PCBP2: variants seen among roughly 807,000 people sequenced by gnomAD.
The protein encoded by PCBP2 is poly(rC)-binding protein 2.
In PCBP2, 4 loss-of-function variants were observed where a neutral mutation model predicts 50.1. The observed-to-expected ratio is 0.08, with a 90% CI of 0.04 to 0.18. The LOEUF is 0.18. PCBP2 is among the 10% of genes least tolerant of loss of function. PCBP2 has a pLI of 1.00. For synonymous variants in PCBP2, 179 were observed against 168.0 expected, an observed-to-expected ratio of 1.07 and a Z score of -0.51; for missense variants, 161 against 474.3, an observed-to-expected ratio of 0.34 and a Z score of 6.14.
At chr12:53,456,697 G>A (rs1482441953) in intron 5 of PCBP2, among the ~76,000 whole-genome samples, 1 of 152,120 alleles carries the variant, frequency 6.6e-6, no homozygotes, top group Non-Finnish European at 1.5e-5. Flanking sequence ...ACATTTGTTG[G>A]GGAGAGACCT....
intron 5 of PCBP2, among the ~76,000 whole-genome samples, chr12:53,457,685 A>G (rs1417355438): frequency 6.6e-6 from 1 of 152,054 alleles, no homozygotes; most frequent in African/African-American, 2.4e-5. Context: ...AGAAAGCTAG[A>G]GTACAAACTG....
intron 7 of PCBP2, 146 bp from the exon 8 acceptor site, chr12:53,462,347 A>G (rs556692876): frequency 2.0e-4 from 112 of 553,058 alleles, no homozygotes; most frequent in African/African-American, 1.9e-3. Context: ...ATAAATTGAG[A>G]TTAGATCTAG....
intron 8 of PCBP2, 88 bp from the exon 9 acceptor site, chr12:53,464,672 T>G: frequency 1.3e-6 from 2 of 1,527,588 alleles, no homozygotes; most frequent in Non-Finnish European, 1.8e-6. Context: ...AGGAAAAAAA[T>G]AAACAACTTT....
intron 14 of PCBP2, among the ~76,000 whole-genome samples, chr12:53,478,275 A>T (rs2137140955): frequency 6.6e-6 from 1 of 152,320 alleles, no homozygotes. Flanking sequence ...TGGGAGGCCA[A>T]GACAAGTGGA....
Position 53,479,510 on chromosome 12 carries a change from T to A in PCBP2, c.*68T>A. ...CCACCCATGATCCATCTGTGTAGTT[T>A]CTGAACAGTCAGCGATTCCAGGTTT... On this transcript the variant is annotated 3_prime_UTR_variant, in exon 15 of 15. Transcript: ENST00000546463. 7.2e-7 allele frequency: 1 copy of A among 1,384,146 alleles called. No homozygotes were observed. The allele number at this position is 1,384,146 out of a possible 1,614,324, so 85.7% of individuals were successfully genotyped here.
In PCBP2 at chr12:53,467,863, AAATC is replaced by A. The variant is rs1462147821; in HGVS notation, c.826+21_826+24del. The A allele has an allele frequency of 3.8e-6, 6 of 1,579,064 alleles. No homozygotes were observed. Among genetic ancestry groups the A allele is most frequent in the African/African-American group, 1.3e-5 (1 of 74,168 alleles). On this transcript the variant is annotated intron_variant, in intron 12 of 14. Coordinates refer to ENST00000546463, the MANE Select transcript of PCBP2 (RefSeq NM_031989.5). Reference sequence around the variant, plus strand: ...ATTGGGGTAATGATTAAAAAAAAAAAAATCTGTAGTATTCTACTGTTATATTAAT... The same window carrying A: ...ATTGGGGTAATGATTAAAAAAAAAAATGTAGTATTCTACTGTTATATTAAT...
intron 12 of PCBP2, 127 bp downstream of exon 12, chr12:53,467,970 A>G: frequency 1.3e-6 from 1 of 794,918 alleles, no homozygotes; most frequent in Non-Finnish European, 2.1e-6. Context: ...CTGAGAGAGC[A>G]AAGGGGTGGG....
At chr12:53,456,025 T>G in intron 5 of PCBP2, 24 bp downstream of exon 5, 1 of 1,356,396 alleles carries the variant, frequency 7.4e-7, no homozygotes, top group Non-Finnish European at 1.1e-6. Flanking sequence ...CACTCCCTCA[T>G]TCTTCATTTT....
In PCBP2 at chr12:53,481,056, C is replaced by G. The variant is rs1360583781; in HGVS notation, c.*1614C>G. On this transcript the variant is annotated 3_prime_UTR_variant, in exon 15 of 15. Coordinates refer to ENST00000546463, the MANE Select transcript of PCBP2 (RefSeq NM_031989.5). Reference sequence around the variant, plus strand: ...AATTGGTCAGGGGATCAGTCTCCCTCGAGCCTGACTTACGGCTGGGACAGC... The same window carrying G: ...AATTGGTCAGGGGATCAGTCTCCCTGGAGCCTGACTTACGGCTGGGACAGC... 1 of 300,688 alleles carries G rather than the reference C, an allele frequency of 3.3e-6. No homozygotes were observed. The highest frequency in any genetic ancestry group is 5.4e-6 in the Non-Finnish European group (1 of 185,712). 18.6% of individuals were successfully genotyped at this position (300,688 alleles called of 1,614,324 possible).
At chr12:53,465,435 C>G (rs536062779) in intron 9 of PCBP2, among the ~76,000 whole-genome samples, 2 of 152,238 alleles carry the variant, frequency 1.3e-5, no homozygotes. Context: ...ATCCAGTGTT[C>G]TTAAGGTCTT....
At chr12:53,467,750 G>A in intron 11 of PCBP2, 55 bp from the exon 12 acceptor site, 1 of 1,389,684 alleles carries the variant, frequency 7.2e-7, no homozygotes, top group African/African-American at 1.4e-5. Flanking sequence ...GGAATAACTT[G>A]TCCGATAGGG....
At chr12:53,471,184 T>A (rs1347955053) in intron 13 of PCBP2, among the ~76,000 whole-genome samples, 2 of 151,890 alleles carry the variant, frequency 1.3e-5, no homozygotes, top group Non-Finnish European at 2.9e-5. Context: ...AATCCCAGGT[T>A]ACAGGGAGCA....
chr12:53,468,917 C>CTTTTTTTTT lies in PCBP2; in HGVS notation c.882+96_882+104dup, dbSNP rs5798266. On this transcript the variant is annotated intron_variant, in intron 13 of 14. Transcript: ENST00000546463. ...GTCGTTTCAGCAGTGTCCTGCTACC[C>CTTTTTTTTT]TTTTTTTTTTTTTTTTTTTAAACAG... is the stretch of plus-strand genomic sequence containing the variant. The CTTTTTTTTT allele has an allele frequency of 1.1e-4, 61 of 574,540 alleles. No homozygotes were observed. In the African/African-American group the frequency reaches 1.1e-3, roughly 11 times the overall value. The allele number at this position is 574,540 out of a possible 1,614,324, so 35.6% of individuals were successfully genotyped here. A position where few individuals can be genotyped will look rare whatever the true frequency, so the allele number is the denominator to read the frequency against.
intron 11 of PCBP2, chr12:53,467,504 A>T: frequency 1.6e-6 from 1 of 631,698 alleles, no homozygotes; most frequent in Non-Finnish European, 2.8e-6. Flanking sequence ...AGAAAAAAAA[A>T]GCCCTGGAAG....
chr12:53,458,286 C>T (rs1565858808), intron 5 of PCBP2, among the ~76,000 whole-genome samples: 1 of 143,620 alleles, frequency 7.0e-6, no homozygotes, highest in African/African-American at 2.5e-5. Context: ...TGTTTTATAT[C>T]TTTCGTTTTT....
At chr12:53,464,895 C>G in intron 9 of PCBP2, 43 bp downstream of exon 9, 1 of 1,551,680 alleles carries the variant, frequency 6.4e-7, no homozygotes, top group Non-Finnish European at 8.7e-7. Flanking sequence ...TCAATCCTTC[C>G]GCCTCAGCCG....
intron 7 of PCBP2, 133 bp downstream of exon 7, chr12:53,461,276 C>T (rs1941426602): frequency 3.2e-6 from 3 of 942,994 alleles, no homozygotes; most frequent in South Asian, 3.4e-5. Flanking sequence ...AAAAGGTTCC[C>T]TGAGTTCATA....
chr12:53,454,240 A>G (rs1940819849), intron 1 of PCBP2: 1 of 153,130 alleles, frequency 6.5e-6, no homozygotes, highest in African/African-American at 2.4e-5. Flanking sequence ...TGTGGGATAC[A>G]TCTCAATTTC....
At chr12:53,468,871 A>G (rs1292731051) in intron 13 of PCBP2, 39 bp downstream of exon 13, 3 of 1,448,322 alleles carry the variant, frequency 2.1e-6, no homozygotes, top group Admixed American at 1.7e-5. Context: ...AAATAAGAAA[A>G]TAGACTGTAA....
Sources: gnomAD v4.1 joint callset for allele counts (sites outside exome capture counted in the v4.1 genomes callset) on GRCh38, gnomAD v4.1.1 for gene constraint, MANE v1.5 for transcripts, NCBI Gene and HGNC (gene_info 2026-07-23, HGNC 2026-07-21) for gene names.